The following ZFP1 variants were observed in gnomAD, a reference collection of about 807,000 sequenced individuals.
ZFP1 encodes ZFP1 zinc finger protein.
Under a neutral mutation model 38.5 loss-of-function variants are expected in ZFP1, and 32 were observed. The observed-to-expected ratio is 0.83, with a 90% CI of 0.63 to 1.12. The LOEUF (loss-of-function observed/expected upper bound fraction) is 1.12, where lower values mean the gene tolerates loss of function less well. Ranked by LOEUF, ZFP1 falls within the 50% of genes most tolerant of loss-of-function variation. ZFP1 has a pLI of 0.00. For missense variants in ZFP1, 616 were observed against 480.8 expected, an observed-to-expected ratio of 1.28 and a Z score of -2.63; for synonymous variants, 245 against 168.8, an observed-to-expected ratio of 1.45 and a Z score of -3.50.
chr16:75,163,379 C>T (rs1300228812), intron 2 of ZFP1, among the ~76,000 whole-genome samples: 1 of 151,510 alleles, frequency 6.6e-6, no homozygotes, highest in Admixed American at 6.6e-5. Flanking sequence ...GTGGCATGAT[C>T]TCGCTCACTG....
At chr16:75,149,293 A>G (rs1403600112) in intron 1 of ZFP1, 1 of 152,044 alleles carries the variant, frequency 6.6e-6, no homozygotes, top group Admixed American at 6.5e-5. Context: ...TTTTTCATTT[A>G]TCTTTTGATT....
the ZFP1 span, among the ~76,000 whole-genome samples, chr16:75,137,938 A>G: frequency 6.6e-6 from 1 of 151,408 alleles, no homozygotes; most frequent in African/African-American, 2.4e-5. Context: ...GTAAATGGGG[A>G]AAAGAGACAA....
At chr16:75,139,698 A>C in the ZFP1 span, among the ~76,000 whole-genome samples, 8 of 152,246 alleles carry the variant, frequency 5.3e-5, no homozygotes, top group Admixed American at 2.0e-4. Flanking sequence ...CTTTGTTTAC[A>C]TGGAGGCCTT....
chr16:75,119,634 C>T, the ZFP1 span: 7 of 152,178 alleles, frequency 4.6e-5, no homozygotes, highest in African/African-American at 1.7e-4. Flanking sequence ...TTACAACCAG[C>T]TGGTCTTAAT....
chr16:75,158,991 G>A (rs2037610422), intron 2 of ZFP1, among the ~76,000 whole-genome samples: 1 of 150,152 alleles, frequency 6.7e-6, no homozygotes. Context: ...CTGCCTCCCA[G>A]GCTCAAGTGA....
chr16:75,147,603 C>G (rs1168926486), upstream of ZFP1, among the ~76,000 whole-genome samples: 2 of 152,070 alleles, frequency 1.3e-5, no homozygotes, highest in Non-Finnish European at 2.9e-5. Flanking sequence ...TGATATTTAA[C>G]TGTAGGTTCA....
At chr16:75,137,461 CTTT>C in the ZFP1 span, among the ~76,000 whole-genome samples, 12 of 89,416 alleles carry the variant, frequency 1.3e-4, no homozygotes, top group Admixed American at 3.5e-4. Context: ...AAAAAAAATT[CTTT>C]TTTTTTTTTT....
the ZFP1 span, among the ~76,000 whole-genome samples, chr16:75,141,576 C>T: frequency 6.6e-6 from 1 of 151,968 alleles, no homozygotes; most frequent in Admixed American, 6.6e-5. Context: ...ACTTAGGGCA[C>T]ATAGCACTTA....
chr16:75,126,762 T>C, the ZFP1 span, among the ~76,000 whole-genome samples: 2 of 152,376 alleles, frequency 1.3e-5, no homozygotes, highest in South Asian at 4.1e-4. Flanking sequence ...AAGTGTTTTA[T>C]ACCTTTGATA....
the ZFP1 span, among the ~76,000 whole-genome samples, chr16:75,139,470 T>C: frequency 2.0e-5 from 3 of 150,356 alleles, no homozygotes; most frequent in East Asian, 1.9e-4. Context: ...ACCAGGAGGA[T>C]TGCTTGAGCC....
chr16:75,131,771 C>T, the ZFP1 span, among the ~76,000 whole-genome samples: 2 of 152,068 alleles, frequency 1.3e-5, no homozygotes, highest in Non-Finnish European at 2.9e-5. Context: ...CGAGACCAGC[C>T]TGGCCAACAT....
At chr16:75,164,549 A>G (rs186763916) in intron 2 of ZFP1, among the ~76,000 whole-genome samples, 1 of 151,946 alleles carries the variant, frequency 6.6e-6, no homozygotes. Context: ...GCTGGGCTTA[A>G]TTTTGGTTTT....
chr16:75,140,185 T>C, the ZFP1 span, among the ~76,000 whole-genome samples: 1 of 151,932 alleles, frequency 6.6e-6, no homozygotes, highest in African/African-American at 2.4e-5. Context: ...GGAGAATCTC[T>C]TGAACCTGAG....
chr16:75,146,264 G>A (rs868473839), upstream of ZFP1, among the ~76,000 whole-genome samples: 7 of 151,574 alleles, frequency 4.6e-5, no homozygotes, highest in South Asian at 1.2e-3. Flanking sequence ...CCAGGTTCAC[G>A]CCATTCTCCT....
chr16:75,128,779 AC>A, the ZFP1 span, among the ~76,000 whole-genome samples: 3 of 152,176 alleles, frequency 2.0e-5, no homozygotes, highest in South Asian at 6.2e-4. Context: ...TACATAAGCC[AC>A]TTTTTTTGTT....
At chr16:75,123,366 GTATATATA>G in the ZFP1 span, among the ~76,000 whole-genome samples, 2 of 138,172 alleles carry the variant, frequency 1.4e-5, no homozygotes, top group African/African-American at 2.7e-5. Context: ...ATATATATGT[GTATATATA>G]TATATATGTG....
At chr16:75,119,210 A>G in the ZFP1 span, among the ~76,000 whole-genome samples, 116 of 152,312 alleles carry the variant, frequency 7.6e-4, no homozygotes, top group Non-Finnish European at 1.6e-3. Context: ...TTTGGTAACC[A>G]CAGAAGAATT....
the ZFP1 span, among the ~76,000 whole-genome samples, chr16:75,141,821 C>T: frequency 3.3e-5 from 5 of 151,254 alleles, no homozygotes; most frequent in South Asian, 2.1e-4. Flanking sequence ...GAGACTGAGG[C>T]GAGTGGATCA....
chr16:75,140,315 T>G, the ZFP1 span, among the ~76,000 whole-genome samples: 2 of 150,836 alleles, frequency 1.3e-5, no homozygotes, highest in African/African-American at 4.9e-5. Flanking sequence ...ATGCTTCTAA[T>G]CCCAGCACCT....
Sources: gnomAD v4.1 joint callset for allele counts (sites outside exome capture counted in the v4.1 genomes callset) on GRCh38, gnomAD v4.1.1 for gene constraint, MANE v1.5 for transcripts, NCBI Gene and HGNC (gene_info 2026-07-23, HGNC 2026-07-21) for gene names.